The following LRRC7 variants were observed in gnomAD, a reference collection of about 807,000 sequenced individuals.
LRRC7 encodes the protein leucine-rich repeat-containing protein 7.
A neutral mutation model predicts 175.7 loss-of-function variants in LRRC7; 23 were observed. That is an observed-to-expected ratio of 0.13 (90% CI 0.09 to 0.19). The LOEUF (loss-of-function observed/expected upper bound fraction) is 0.19, where lower values mean the gene tolerates loss of function less well. Ranked by LOEUF, LRRC7 falls within the 10% of genes least tolerant of loss-of-function variation. The pLI, the probability that LRRC7 is intolerant of heterozygous loss-of-function variation, is 1.00. For synonymous variants in LRRC7, 685 were observed against 680.9 expected (o/e 1.01, Z -0.09); for missense variants, 1,354 against 1,904.7 (o/e 0.71, Z 5.38).
At chr1:69,781,933 A>G (rs970253522) in intron 3 of LRRC7, among the ~76,000 whole-genome samples, 19 of 131,366 alleles carry the variant, frequency 1.4e-4, no homozygotes, top group Admixed American at 1.4e-3. Flanking sequence ...AGAAAGAAAG[A>G]AAGAAAGAGA....
In LRRC7 at chr1:69,963,749, AG is replaced by A. The variant is rs375733295; in HGVS notation, c.712-16627del. Among the ~76,000 whole-genome samples, 152 of 152,294 alleles carry A rather than the reference AG, an allele frequency of 1.0e-3. 4 individuals are homozygous for A. The highest frequency in any genetic ancestry group is 3.3e-3 in the African/African-American group (139 of 41,578). ...TCACCAAAGTTTGCGGTATAGGTGG[AG>A]GGTAATGCATTAAAGTGCAGATCAT... On this transcript the variant is annotated intron_variant, in intron 8 of 26. Transcript: ENST00000651989.
chr1:70,096,395 G>A (rs1571313371), intron 25 of LRRC7, among the ~76,000 whole-genome samples: 1 of 152,160 alleles, frequency 6.6e-6, no homozygotes, highest in East Asian at 1.9e-4. Context: ...TAAAAATCGT[G>A]TTGAATAAAC....
chr1:69,716,778 AG>A (rs1665399009), intron 2 of LRRC7, among the ~76,000 whole-genome samples: 1 of 151,882 alleles, frequency 6.6e-6, no homozygotes, highest in African/African-American at 2.4e-5. Flanking sequence ...CAATGATGAA[AG>A]CATGCAATGT....
At position 69,960,607 on chromosome 1, in the gene LRRC7, T is replaced by A. The variant is rs111974875; in HGVS notation, c.712-19772T>A. 2.0e-5 allele frequency among the ~76,000 whole-genome samples: 3 copies of A among 152,040 alleles called. 1 individual carries two copies. The highest frequency in any genetic ancestry group is 7.2e-5 in the African/African-American group (3 of 41,508). ...TGAAATCTTTCTAGTTTTTTTTTTTTATGTGAGCATTCAGTGCTATAAATT... is the reference window on the plus strand; with the variant it reads ...TGAAATCTTTCTAGTTTTTTTTTTTAATGTGAGCATTCAGTGCTATAAATT... On this transcript the variant is annotated intron_variant, in intron 8 of 26. Coordinates refer to ENST00000651989, the MANE Select transcript of LRRC7 (RefSeq NM_001370785.2).
chr1:69,715,098 G>A (rs1665196402), intron 2 of LRRC7, among the ~76,000 whole-genome samples: 1 of 150,366 alleles, frequency 6.7e-6, no homozygotes, highest in Non-Finnish European at 1.5e-5. Context: ...TGTAAAATTG[G>A]CTTGTTTAAG....
intron 9 of LRRC7, among the ~76,000 whole-genome samples, chr1:69,981,089 A>G (rs558712661): frequency 5.9e-5 from 9 of 152,272 alleles, no homozygotes; most frequent in African/African-American, 1.7e-4. Context: ...ATGTTCCCAT[A>G]AAACGCTGCC....
intron 2 of LRRC7, among the ~76,000 whole-genome samples, chr1:69,723,480 G>A (rs1241964717): frequency 5.9e-5 from 9 of 152,056 alleles, no homozygotes; most frequent in Admixed American, 5.2e-4. Flanking sequence ...AAGTCCTTCC[G>A]ACTTCTTTCT....
chr1:69,578,084 C>A (rs1325760624), intron 1 of LRRC7, among the ~76,000 whole-genome samples: 2 of 152,084 alleles, frequency 1.3e-5, no homozygotes, highest in East Asian at 3.9e-4. Context: ...TGAACTCAAA[C>A]AAATTCACAA....
At chr1:70,006,408 G>T (rs574304603) in intron 11 of LRRC7, among the ~76,000 whole-genome samples, 113 of 151,206 alleles carry the variant, frequency 7.5e-4, no homozygotes, top group Middle Eastern at 3.4e-3. Context: ...GGAGGCAGAG[G>T]CTGCAGTGAG....
At chr1:70,086,985 G>A (rs1383277506) in intron 24 of LRRC7, among the ~76,000 whole-genome samples, 4 of 152,112 alleles carry the variant, frequency 2.6e-5, no homozygotes, top group African/African-American at 7.2e-5. Context: ...CATGCTTTAT[G>A]AGACCCAGTA....
chr1:69,958,587 T>C (rs894949441), intron 8 of LRRC7, among the ~76,000 whole-genome samples: 1 of 151,872 alleles, frequency 6.6e-6, no homozygotes, highest in Non-Finnish European at 1.5e-5. Context: ...AGGTTGAAAG[T>C]GTATAGGAAA....
At chr1:69,709,958 T>G (rs1664538413) in intron 2 of LRRC7, among the ~76,000 whole-genome samples, 1 of 152,044 alleles carries the variant, frequency 6.6e-6, no homozygotes, top group South Asian at 2.1e-4. Flanking sequence ...TAAGTTTCAT[T>G]TCTTATGATA....
At chr1:69,973,782 C>T (rs12024968) in intron 8 of LRRC7, among the ~76,000 whole-genome samples, 6,626 of 152,204 alleles carry the variant, frequency 0.044, 166 homozygotes, top group South Asian at 0.1. Flanking sequence ...GATGGGATTT[C>T]GCCATGTTGG....
intron 8 of LRRC7, among the ~76,000 whole-genome samples, chr1:69,947,986 TC>T (rs1450510227): frequency 1.3e-5 from 2 of 152,108 alleles, no homozygotes; most frequent in African/African-American, 4.8e-5. Flanking sequence ...TTGTGATCTG[TC>T]AACCTGATAA....
chr1:69,952,769 C>A (rs899258014), intron 8 of LRRC7, among the ~76,000 whole-genome samples: 2 of 151,976 alleles, frequency 1.3e-5, no homozygotes, highest in Admixed American at 6.6e-5. Context: ...CAGTGACAAT[C>A]TTCTAGTTAG....
chr1:70,091,018 T>C (rs1267990561), intron 25 of LRRC7, among the ~76,000 whole-genome samples: 3 of 152,206 alleles, frequency 2.0e-5, no homozygotes, highest in East Asian at 3.9e-4. Flanking sequence ...ACATTAGGAA[T>C]GAAGAGACCA....
chr1:70,052,501 A>G (rs1660824822), intron 22 of LRRC7, among the ~76,000 whole-genome samples: 1 of 152,112 alleles, frequency 6.6e-6, no homozygotes, highest in African/African-American at 2.4e-5. Context: ...TGATAACGCC[A>G]TAGTACCATA....
At chr1:69,873,003 G>A (rs1210836883) in intron 7 of LRRC7, among the ~76,000 whole-genome samples, 1 of 152,098 alleles carries the variant, frequency 6.6e-6, no homozygotes, top group Non-Finnish European at 1.5e-5. Context: ...AGAGAGTGTA[G>A]GGGACATTAA....
intron 22 of LRRC7, among the ~76,000 whole-genome samples, chr1:70,050,489 G>C (rs1308862097): frequency 6.6e-6 from 1 of 152,038 alleles, no homozygotes; most frequent in Non-Finnish European, 1.5e-5. Flanking sequence ...ATGATTTTCT[G>C]TGTTATTATA....
Sources: allele counts gnomAD v4.1 joint callset (sites outside exome capture counted in the v4.1 genomes callset), GRCh38; gene constraint gnomAD v4.1.1; transcripts MANE v1.5; gene names NCBI Gene and HGNC (gene_info 2026-07-23, HGNC 2026-07-21).